Variants in NBEA observed in about 807,000 individuals in gnomAD.
NBEA encodes neurobeachin, also known as lysosomal-trafficking regulator 2.
Under a neutral mutation model 343.4 loss-of-function variants are expected in NBEA, and 44 were observed. That is an observed-to-expected ratio of 0.13 (90% CI 0.10 to 0.16). The LOEUF (loss-of-function observed/expected upper bound fraction) is 0.16, where lower values mean the gene tolerates loss of function less well. Among genes scored for constraint, NBEA ranks in the 10% least tolerant of loss-of-function variants. The pLI, the probability that NBEA is intolerant of heterozygous loss-of-function variation, is 1.00. For synonymous variants in NBEA, 1,175 were observed against 1,238.7 expected (o/e 0.95, Z 1.08); for missense variants, 2,555 against 3,631.3 (o/e 0.70, Z 7.62).
intron 44 of NBEA, among the ~76,000 whole-genome samples, chr13:35,555,397 A>G (rs929208662): frequency 6.6e-6 from 1 of 152,136 alleles, no homozygotes; most frequent in Non-Finnish European, 1.5e-5. Flanking sequence ...GGAAATAATA[A>G]TGGGAAAAGT....
At chr13:35,345,223 G>C (rs1815004255) in intron 36 of NBEA, among the ~76,000 whole-genome samples, 1 of 151,862 alleles carries the variant, frequency 6.6e-6, no homozygotes, top group African/African-American at 2.4e-5. Flanking sequence ...AATACTCTTA[G>C]CAAATTAAGA....
chr13:35,125,671 A>T (rs1257758010), intron 17 of NBEA, among the ~76,000 whole-genome samples: 1 of 152,196 alleles, frequency 6.6e-6, no homozygotes, highest in Non-Finnish European at 1.5e-5. Flanking sequence ...CATCAAAAGA[A>T]TTGGCACATC....
chr13:35,497,733 T>C (rs2076735744), intron 41 of NBEA, among the ~76,000 whole-genome samples: 1 of 152,074 alleles, frequency 6.6e-6, no homozygotes, highest in East Asian at 1.9e-4. Flanking sequence ...AGGAATCAAC[T>C]CTTACAGGTG....
At chr13:35,150,891 G>A (rs1278731564) in intron 18 of NBEA, among the ~76,000 whole-genome samples, 1 of 151,582 alleles carries the variant, frequency 6.6e-6, no homozygotes, top group Non-Finnish European at 1.5e-5. Context: ...TGAGGTGGGT[G>A]GATCACTTGA....
intron 51 of NBEA, among the ~76,000 whole-genome samples, chr13:35,646,553 C>G (rs1009538007): frequency 1.3e-5 from 2 of 152,196 alleles, no homozygotes; most frequent in African/African-American, 4.8e-5. Context: ...AGCTGTCCCA[C>G]TTTTGGATTC....
At chr13:35,308,448 A>ATG (rs2037058731) in intron 35 of NBEA, among the ~76,000 whole-genome samples, 1 of 112,628 alleles carries the variant, frequency 8.9e-6, no homozygotes, top group African/African-American at 4.3e-5. Context: ...CTATATATAT[A>ATG]TATATATATA....
At position 35,293,277 on chromosome 13, in the gene NBEA, A is replaced by G. The variant is rs143627135; in HGVS notation, c.5838+2827A>G. 1.8e-3 allele frequency among the ~76,000 whole-genome samples: 275 copies of G among 152,168 alleles called. 1 individual carries two copies. The highest frequency in any genetic ancestry group is 4.7e-3 in the African/African-American group (197 of 41,560). On this transcript the variant is annotated intron_variant, in intron 35 of 58. Coordinates refer to ENST00000379939, the MANE Select transcript of NBEA (RefSeq NM_001385012.1). ...GTAATTTTTCATCTTTGTGGAAAAC[A>G]TATTTAAGTCTTAAGAAGAAGCTGT...
At chr13:35,524,652 G>T (rs1198706922) in intron 41 of NBEA, among the ~76,000 whole-genome samples, 1 of 152,096 alleles carries the variant, frequency 6.6e-6, no homozygotes, top group Non-Finnish European at 1.5e-5. Context: ...AAAAACAAAT[G>T]CTGAAATACA....
chr13:35,223,191 T>G (rs1169468276), intron 33 of NBEA, among the ~76,000 whole-genome samples: 1 of 152,176 alleles, frequency 6.6e-6, no homozygotes, highest in Non-Finnish European at 1.5e-5. Context: ...TGAATTTTAT[T>G]TTAGAGCAAT....
intron 38 of NBEA, among the ~76,000 whole-genome samples, chr13:35,411,348 T>C (rs540583774): frequency 2.0e-5 from 3 of 152,308 alleles, no homozygotes; most frequent in African/African-American, 7.2e-5. Context: ...GGTTATTATG[T>C]CCAATTGGTC....
chr13:35,038,352 C>G (rs1426728993), intron 1 of NBEA, among the ~76,000 whole-genome samples: 1 of 152,082 alleles, frequency 6.6e-6, no homozygotes, highest in Non-Finnish European at 1.5e-5. Flanking sequence ...CCACTTGGTG[C>G]TCTACCCTAC....
At chr13:35,467,862 T>G (rs1203524945) in intron 40 of NBEA, among the ~76,000 whole-genome samples, 18 of 152,204 alleles carry the variant, frequency 1.2e-4, no homozygotes, top group Admixed American at 1.2e-3. Flanking sequence ...TTAGGAAATA[T>G]TCAAGTGATT....
intron 10 of NBEA, among the ~76,000 whole-genome samples, chr13:35,092,371 C>A (rs995354643): frequency 6.6e-6 from 1 of 151,846 alleles, no homozygotes; most frequent in African/African-American, 2.4e-5. Context: ...GGATAAATTT[C>A]GTTTTGACTT....
At chr13:35,269,636 C>T (rs1490821692) in intron 34 of NBEA, among the ~76,000 whole-genome samples, 1 of 152,016 alleles carries the variant, frequency 6.6e-6, no homozygotes, top group Non-Finnish European at 1.5e-5. Context: ...GTTTGAATAA[C>T]AAACTGAGTA....
chr13:35,215,465 A>C (rs1055607299), intron 33 of NBEA, among the ~76,000 whole-genome samples: 1 of 151,732 alleles, frequency 6.6e-6, no homozygotes, highest in East Asian at 1.9e-4. Flanking sequence ...AAAAGAGTAC[A>C]TAGTGTATGA....
intron 47 of NBEA, among the ~76,000 whole-genome samples, chr13:35,604,867 A>G (rs577190657): frequency 1.2e-4 from 18 of 152,074 alleles, no homozygotes; most frequent in Admixed American, 3.9e-4. Context: ...CCCATCTCCA[A>G]TGAAGTCTCT....
chr13:35,120,997 A>G (rs1346630481), intron 16 of NBEA, among the ~76,000 whole-genome samples: 1 of 152,168 alleles, frequency 6.6e-6, no homozygotes, highest in Non-Finnish European at 1.5e-5. Flanking sequence ...GGTGGGGTCT[A>G]ATACCTTTTT....
In NBEA at chr13:34,987,766, T is replaced by G. The variant is rs551165607; in HGVS notation, c.294+44652T>G. 1.5e-4 allele frequency among the ~76,000 whole-genome samples: 23 copies of G among 151,258 alleles called. 2 individuals are homozygous for G. Among genetic ancestry groups the G allele is most frequent in the African/African-American group, 4.8e-4 (20 of 41,508 alleles). ...TTTGATCTTCAATCACTGATATTCT[T>G]TTTTCCACTTGATCAAATAGGCTAT... is the stretch of plus-strand genomic sequence containing the variant. On this transcript the variant is annotated intron_variant, in intron 1 of 58. Coordinates refer to ENST00000379939, the MANE Select transcript of NBEA (RefSeq NM_001385012.1).
intron 38 of NBEA, among the ~76,000 whole-genome samples, chr13:35,376,229 G>A (rs2152887785): frequency 6.6e-6 from 1 of 152,204 alleles, no homozygotes; most frequent in Middle Eastern, 3.4e-3. Context: ...TGCACATTAT[G>A]AAGTTGCTGT....
Sources: allele counts gnomAD v4.1 joint callset (sites outside exome capture counted in the v4.1 genomes callset), GRCh38; gene constraint gnomAD v4.1.1; transcripts MANE v1.5; gene names NCBI Gene and HGNC (gene_info 2026-07-23, HGNC 2026-07-21).